GLIPR1: variants seen among roughly 807,000 people sequenced by gnomAD.
The protein encoded by GLIPR1 is glioma pathogenesis-related protein 1.
A neutral mutation model predicts 30.3 loss-of-function variants in GLIPR1; 38 were observed. That is an observed-to-expected ratio of 1.26 (90% CI 0.97 to 1.65). GLIPR1 has a LOEUF of 1.65. Ranked by LOEUF, GLIPR1 falls within the 40% of genes most tolerant of loss-of-function variation. GLIPR1 has a pLI of 0.00. For missense variants in GLIPR1, 285 were observed against 326.5 expected, an observed-to-expected ratio of 0.87 and a Z score of 0.98; for synonymous variants, 122 against 110.6, an observed-to-expected ratio of 1.10 and a Z score of -0.65.
rs770186773 is a variant in GLIPR1 at position 75,501,699 on chromosome 12, CTT to C, written c.*2724_*2725del. Reference sequence around the variant, plus strand: ...GTTTACTTTTCCTAATTAATAAAGACTTTTACATCATAGAAAGCATTACCTTC... The same window carrying C: ...GTTTACTTTTCCTAATTAATAAAGACTTACATCATAGAAAGCATTACCTTC... On this transcript the variant is annotated 3_prime_UTR_variant, in exon 6 of 6. Transcript: ENST00000266659. The C allele has an allele frequency of 1.4e-6, 2 of 1,477,530 alleles. No homozygotes were observed. The highest frequency in any genetic ancestry group is 1.8e-5 in the Admixed American group (1 of 56,446). The allele number at this position is 1,477,530 out of a possible 1,614,324, so 91.5% of individuals were successfully genotyped here. A position where few individuals can be genotyped will look rare whatever the true frequency, so the allele number is the denominator to read the frequency against.
intron 1 of GLIPR1, chr12:75,481,568 T>C (rs2046271140): frequency 2.2e-6 from 1 of 447,638 alleles, no homozygotes; most frequent in African/African-American, 2.0e-5. Flanking sequence ...GGAATAATGT[T>C]GTGAAACACG....
chr12:75,502,631 T>G lies in GLIPR1; in HGVS notation c.*3653T>G, dbSNP rs1292411536. ...TCATTTAATCCTCACTAACAATTCT[T>G]TAAGATAGGTATTACCATTACTCCC... On this transcript the variant is annotated 3_prime_UTR_variant, in exon 6 of 6. Coordinates refer to ENST00000266659, the MANE Select transcript of GLIPR1 (RefSeq NM_006851.3). The G allele has an allele frequency of 6.6e-6, 1 of 152,070 alleles. No individual in the cohort carries two copies. Among genetic ancestry groups the G allele is most frequent in the Non-Finnish European group, 1.5e-5 (1 of 67,988 alleles). The allele number at this position is 152,070 out of a possible 1,614,324, so 9.4% of individuals were successfully genotyped here.
At chr12:75,497,560 T>C (rs1566100806) in intron 4 of GLIPR1, 1 of 152,214 alleles carries the variant, frequency 6.6e-6, no homozygotes, top group South Asian at 2.1e-4. Flanking sequence ...TTCGCACTAA[T>C]ACTGAATAAG....
At position 75,480,924 on chromosome 12, in the gene GLIPR1, T is replaced by C. The variant is rs1299895809; in HGVS notation, c.44T>C (p.Val15Ala). 1 of 1,613,878 alleles carries C rather than the reference T, an allele frequency of 6.2e-7. No individual in the cohort carries two copies. The highest frequency in any genetic ancestry group is 1.7e-5 in the Admixed American group (1 of 59,998). ...ACAATAGCCTGGATGGTTTCTTTTG[T>C]CTCCAATTATTCACACACAGCAAAT... ...LATIAWMVSF[V>A]SNYSHTANIL... The change falls in exon 1 of 6, where the codon GTC (valine) becomes GCC (alanine). Residue 15 changes from valine (V) to alanine (A), a missense_variant. Coordinates refer to ENST00000266659, the MANE Select transcript of GLIPR1 (RefSeq NM_006851.3).
chr12:75,499,934 T>C lies in GLIPR1; in HGVS notation c.*956T>C. The C allele has an allele frequency of 6.2e-7, 1 of 1,601,602 alleles. No individual in the cohort carries two copies. Among genetic ancestry groups the C allele is most frequent in the African/African-American group, 1.3e-5 (1 of 74,156 alleles). ...TTTTCCTTGATGCTGGCCACATCAA[T>C]TTTAGTTTCAGTAGAAGCTAGACAA... On this transcript the variant is annotated 3_prime_UTR_variant, in exon 6 of 6. Transcript: ENST00000266659.
rs2046375604 is a variant in GLIPR1, at chr12:75,499,543, C to T, written c.*565C>T. The T allele has an allele frequency of 4.8e-6, 1 of 210,146 alleles. No individual in the cohort carries two copies. The highest frequency in any genetic ancestry group is 9.3e-6 in the Non-Finnish European group (1 of 107,966). The allele number at this position is 210,146 out of a possible 1,614,324, so 13.0% of individuals were successfully genotyped here. ...AACATCAAATGCTGGGACATCATTA[C>T]TAACCAATAGCATCAGACACTGGAT... On this transcript the variant is annotated 3_prime_UTR_variant, in exon 6 of 6. Transcript: ENST00000266659.
At chr12:75,498,616 G>GACTT (rs2046366576) in intron 4 of GLIPR1, 78 bp from the exon 5 acceptor site, 5 of 1,158,178 alleles carry the variant, frequency 4.3e-6, no homozygotes, top group Non-Finnish European at 3.9e-6. Context: ...ATAATTATAA[G>GACTT]ACTTAGCTTT....
Position 75,499,255 on chromosome 12 carries a change from A to G in GLIPR1, c.*277A>G, listed in dbSNP as rs749056490. 4 of 247,150 alleles carry G rather than the reference A, an allele frequency of 1.6e-5. No homozygotes were observed. The highest frequency in any genetic ancestry group is 2.3e-5 in the Non-Finnish European group (3 of 130,912). The allele number at this position is 247,150 out of a possible 1,614,324, so 15.3% of individuals were successfully genotyped here. A position where few individuals can be genotyped will look rare whatever the true frequency, so the allele number is the denominator to read the frequency against. ...TAAATCTGCAAAATGAGCAAGGTAC[A>G]GTAGCACATTTTTAGGTGATTCTTA... On this transcript the variant is annotated 3_prime_UTR_variant, in exon 6 of 6. Transcript: ENST00000266659.
Position 75,503,738 on chromosome 12 carries a change from C to T in GLIPR1, c.*4760C>T, listed in dbSNP as rs766434449. The T allele has an allele frequency of 1.8e-5, 10 of 562,690 alleles. No individual in the cohort carries two copies. Among genetic ancestry groups the T allele is most frequent in the Admixed American group, 1.3e-4 (4 of 29,704 alleles). 34.9% of individuals were successfully genotyped at this position (562,690 alleles called of 1,614,324 possible). A position where few individuals can be genotyped will look rare whatever the true frequency, so the allele number is the denominator to read the frequency against. On this transcript the variant is annotated 3_prime_UTR_variant, in exon 6 of 6. Coordinates refer to ENST00000266659, the MANE Select transcript of GLIPR1 (RefSeq NM_006851.3). ...ACTGCACACCCCCATGCACTCAGCT[C>T]AAAATATGCCTATTTATATTTACCC...
At position 75,481,874 on chromosome 12, in the gene GLIPR1, C is replaced by T; in HGVS notation, c.215C>T (p.Ala72Val). Residue 72 changes from alanine to valine, a missense_variant, in exon 2 of 6, where the codon GCC becomes GTC. Ala to Val is a moderately conservative substitution (Grantham distance 64). Transcript: ENST00000266659. ...PALAQIAKAW[A>V]SNCQFSHNTR... is the part of the protein sequence containing the mutation. The stretch of plus-strand genomic sequence containing the variant: ...CTAGCCCAAATTGCAAAAGCATGGG[C>T]CAGCAATTGCCAGTTTTCACATAAT... The T allele has an allele frequency of 6.2e-7, 1 of 1,613,976 alleles. No individual in the cohort carries two copies. The highest frequency in any genetic ancestry group is 8.5e-7 in the Non-Finnish European group (1 of 1,179,870).
intron 2 of GLIPR1, among the ~76,000 whole-genome samples, chr12:75,487,581 G>T (rs144037373): frequency 1.1e-4 from 16 of 152,188 alleles, no homozygotes; most frequent in African/African-American, 3.9e-4. Flanking sequence ...GCCAAAGGAG[G>T]GTACCCTCTC....
chr12:75,490,404 A>C lies in GLIPR1; in HGVS notation c.421-2A>C, dbSNP rs2046315000. On this transcript the variant is annotated splice_acceptor_variant, in intron 2 of 5. Transcript: ENST00000266659. LOFTEE classifies it high-confidence loss of function. ...CTGTTAAAAATCCTTATTTCCTTTC[A>C]GGTTGTTTGGGCAGATAGTTACAAA... The C allele has an allele frequency of 6.5e-7, 1 of 1,529,394 alleles. No homozygotes were observed. Among genetic ancestry groups the C allele is most frequent in the Non-Finnish European group, 9.1e-7 (1 of 1,104,436 alleles). The allele number at this position is 1,529,394 out of a possible 1,614,324, so 94.7% of individuals were successfully genotyped here.
intron 3 of GLIPR1, chr12:75,493,718 T>C (rs374377313): frequency 2.6e-4 from 40 of 152,340 alleles, no homozygotes; most frequent in East Asian, 7.7e-4. Flanking sequence ...AGGGAAAACA[T>C]TGAAATGTCC....
chr12:75,484,377 G>A (rs949196197), intron 2 of GLIPR1: 4 of 152,140 alleles, frequency 2.6e-5, no homozygotes, highest in African/African-American at 9.7e-5. Context: ...AGATGTTAAT[G>A]GTATTACCCA....
In GLIPR1 at chr12:75,480,768, G is replaced by C. The variant is rs2046265959; in HGVS notation, c.-113G>C. 2.9e-6 allele frequency: 2 copies of C among 700,086 alleles called. No homozygotes were observed. Among genetic ancestry groups the C allele is most frequent in the Admixed American group, 5.9e-5 (2 of 33,644 alleles). 43.4% of individuals were successfully genotyped at this position (700,086 alleles called of 1,614,324 possible). A position where few individuals can be genotyped will look rare whatever the true frequency, so the allele number is the denominator to read the frequency against. ...TCATGCTCTGTTCTGTTTTCTCAAAGCTGAAGTCGGCTAGGTTTGCAAAGC... is the reference window on the plus strand; with the variant it reads ...TCATGCTCTGTTCTGTTTTCTCAAACCTGAAGTCGGCTAGGTTTGCAAAGC... On this transcript the variant is annotated 5_prime_UTR_variant, in exon 1 of 6. Transcript: ENST00000266659.
chr12:75,499,908 CT>C lies in GLIPR1; in HGVS notation c.*934del. 3 of 1,608,914 alleles carry C rather than the reference CT, an allele frequency of 1.9e-6. No individual in the cohort carries two copies. The highest frequency in any genetic ancestry group is 2.2e-5 in the East Asian group (1 of 44,610). On this transcript the variant is annotated 3_prime_UTR_variant, in exon 6 of 6. Coordinates refer to ENST00000266659, the MANE Select transcript of GLIPR1 (RefSeq NM_006851.3). ...GTTTCTTATTCTTTGCTTTCTTAACCTTTTCCTTGATGCTGGCCACATCAAT... is the reference window on the plus strand; with the variant it reads ...GTTTCTTATTCTTTGCTTTCTTAACCTTTCCTTGATGCTGGCCACATCAAT...
chr12:75,501,714 A>G lies in GLIPR1; in HGVS notation c.*2736A>G. On this transcript the variant is annotated 3_prime_UTR_variant, in exon 6 of 6. Transcript: ENST00000266659. The stretch of plus-strand genomic sequence containing the variant: ...TTAATAAAGACTTTTACATCATAGA[A>G]AGCATTACCTTCCTTAGGTTTCACA... 6.4e-7 allele frequency: 1 copy of G among 1,557,628 alleles called. No individual in the cohort carries two copies. The highest frequency in any genetic ancestry group is 8.8e-7 in the Non-Finnish European group (1 of 1,137,202).
chr12:75,485,565 T>TTTA (rs1435192700), intron 2 of GLIPR1, among the ~76,000 whole-genome samples: 3,745 of 92,658 alleles, frequency 0.04, 180 homozygotes, highest in African/African-American at 0.16. Flanking sequence ...TTATTTATTT[T>TTTA]TTTGAGACGG....
At chr12:75,484,226 G>A (rs2046283572) in intron 2 of GLIPR1, 2 of 152,212 alleles carry the variant, frequency 1.3e-5, no homozygotes, top group Admixed American at 1.3e-4. Flanking sequence ...CTTCAGAAGA[G>A]GGGCACTCAT....
Sources: allele counts gnomAD v4.1 joint callset (sites outside exome capture counted in the v4.1 genomes callset), GRCh38; gene constraint gnomAD v4.1.1; transcripts MANE v1.5; gene names NCBI Gene and HGNC (gene_info 2026-07-23, HGNC 2026-07-21).